The following LRRTM4 variants were observed in gnomAD, a reference collection of about 807,000 sequenced individuals.
LRRTM4 encodes leucine rich repeat transmembrane neuronal 4.
LRRTM4 carries 25 observed loss-of-function variants against 47.6 expected under a neutral mutation model. The ratio of observed to expected loss-of-function variants is 0.53; its 90% CI spans 0.38 to 0.73. The LOEUF is 0.73. LRRTM4 is among the 30% of genes least tolerant of loss of function. The pLI is 0.00. For synonymous variants in LRRTM4, 311 were observed against 269.5 expected (o/e 1.15, Z -1.51); for missense variants, 638 against 713.4 (o/e 0.89, Z 1.20).
intron 3 of LRRTM4, among the ~76,000 whole-genome samples, chr2:77,385,690 TTC>T (rs1026088396): frequency 2.6e-5 from 4 of 151,072 alleles, no homozygotes; most frequent in Admixed American, 1.3e-4. Flanking sequence ...TTGTTTTCTC[TTC>T]TTTTTCTAAA....
intron 3 of LRRTM4, among the ~76,000 whole-genome samples, chr2:76,885,592 A>T (rs899903743): frequency 6.6e-6 from 1 of 150,990 alleles, no homozygotes; most frequent in East Asian, 2.0e-4. Context: ...CCTCCTGAGT[A>T]GCTGGGACCG....
chr2:77,443,179 C>T lies in LRRTM4; in HGVS notation c.1551+75139G>A, dbSNP rs377003271. Among the ~76,000 whole-genome samples the T allele has an allele frequency of 5.5e-4, 83 of 152,148 alleles. 1 individual carries two copies. Among genetic ancestry groups the T allele is most frequent in the East Asian group, 4.1e-3 (21 of 5,172 alleles). ...TTGCAAATGTAGGTAGGAGCCATTC[C>T]AGCCGACGTTTGCAGCTGTGCTGTT... On this transcript the variant is annotated intron_variant, in intron 3 of 3. Coordinates refer to ENST00000409884, the MANE Select transcript of LRRTM4 (RefSeq NM_001134745.3).
At chr2:76,807,256 A>G (rs957910874) in intron 3 of LRRTM4, among the ~76,000 whole-genome samples, 3 of 151,656 alleles carry the variant, frequency 2.0e-5, no homozygotes, top group Admixed American at 1.3e-4. Flanking sequence ...AACTGCAAGG[A>G]CAAGTTAAGT....
chr2:77,245,301 C>T (rs11888579), intron 3 of LRRTM4, among the ~76,000 whole-genome samples: 7,632 of 151,936 alleles, frequency 0.05, 652 homozygotes, highest in African/African-American at 0.17. Context: ...AATCCTAGCA[C>T]TTTGGGAAGC....
chr2:77,123,213 C>CAGAGAGAGAGAGAGAGAGAGAGAGAG (rs56149151), intron 3 of LRRTM4, among the ~76,000 whole-genome samples: 40 of 142,966 alleles, frequency 2.8e-4, no homozygotes, highest in African/African-American at 1.0e-3. Context: ...TTCAGTCTCA[C>CAGAGAGAGAGAGAGAGAGAGAGAGAG]AGAGAGAGAG....
chr2:77,241,790 T>C (rs1042480322), intron 3 of LRRTM4, among the ~76,000 whole-genome samples: 4 of 152,154 alleles, frequency 2.6e-5, no homozygotes, highest in Non-Finnish European at 4.4e-5. Context: ...AAGACTTGTA[T>C]AGTTTTAGCA....
chr2:77,188,952 A>G (rs985007127), intron 3 of LRRTM4, among the ~76,000 whole-genome samples: 1 of 152,208 alleles, frequency 6.6e-6, no homozygotes, highest in African/African-American at 2.4e-5. Context: ...TCAGTCTTGC[A>G]TCCCATCTTG....
intron 3 of LRRTM4, among the ~76,000 whole-genome samples, chr2:77,386,111 TTA>T (rs1316988558): frequency 7.3e-5 from 11 of 150,892 alleles, no homozygotes; most frequent in Admixed American, 1.3e-4. Context: ...TTAAAAAATA[TTA>T]TATGTTATTA....
intron 3 of LRRTM4, among the ~76,000 whole-genome samples, chr2:77,376,189 C>G (rs981610593): frequency 2.6e-5 from 4 of 151,596 alleles, no homozygotes; most frequent in Non-Finnish European, 5.9e-5. Context: ...GAGAAATTTT[C>G]CATTTAACAG....
intron 3 of LRRTM4, among the ~76,000 whole-genome samples, chr2:77,511,769 T>A: frequency 1.3e-5 from 2 of 152,098 alleles, no homozygotes. Context: ...TTTATTAATA[T>A]GTATCAGCTT....
At chr2:76,868,785 T>G (rs2104041106) in intron 3 of LRRTM4, among the ~76,000 whole-genome samples, 1 of 152,272 alleles carries the variant, frequency 6.6e-6, no homozygotes, top group Admixed American at 6.5e-5. Context: ...TGAAAGAACA[T>G]GAAGTCGATC....
chr2:77,148,628 G>A (rs540641116), intron 3 of LRRTM4, among the ~76,000 whole-genome samples: 84 of 152,190 alleles, frequency 5.5e-4, no homozygotes, highest in African/African-American at 1.9e-3. Flanking sequence ...GAACAGGAGG[G>A]GAAGGTAAAT....
chr2:76,756,761 C>T (rs1391524651), intron 3 of LRRTM4, among the ~76,000 whole-genome samples: 2 of 151,836 alleles, frequency 1.3e-5, no homozygotes, highest in African/African-American at 4.8e-5. Context: ...TAAAGAGAAG[C>T]TATAATAGAG....
At chr2:77,522,027 T>C (rs1032400861) in intron 1 of LRRTM4, 82 bp downstream of exon 1, 1 of 704,078 alleles carries the variant, frequency 1.4e-6, no homozygotes, top group African/African-American at 1.8e-5. Flanking sequence ...ATTGGCAATC[T>C]GTGCAAAAGA....
At chr2:76,993,444 A>G (rs1333881077) in intron 3 of LRRTM4, among the ~76,000 whole-genome samples, 2 of 152,004 alleles carry the variant, frequency 1.3e-5, no homozygotes, top group Non-Finnish European at 2.9e-5. Flanking sequence ...AAAATTGGCA[A>G]TGAAAATGAA....
intron 3 of LRRTM4, among the ~76,000 whole-genome samples, chr2:76,912,424 G>A (rs1298461613): frequency 6.6e-6 from 1 of 152,154 alleles, no homozygotes; most frequent in African/African-American, 2.4e-5. Context: ...GTTAGAAATA[G>A]TGCTTGGATA....
At chr2:77,165,764 T>C (rs1672863063) in intron 3 of LRRTM4, among the ~76,000 whole-genome samples, 1 of 152,252 alleles carries the variant, frequency 6.6e-6, no homozygotes. Flanking sequence ...CAACAGCCCT[T>C]CGTGCTAAAA....
At chr2:77,154,626 C>T (rs78567415) in intron 3 of LRRTM4, among the ~76,000 whole-genome samples, 8,397 of 152,102 alleles carry the variant, frequency 0.055, 418 homozygotes, top group South Asian at 0.3. Context: ...TCAGAATTTA[C>T]GCTGAGATGA....
intron 3 of LRRTM4, among the ~76,000 whole-genome samples, chr2:77,169,805 T>C (rs1175395556): frequency 6.6e-6 from 1 of 152,182 alleles, no homozygotes; most frequent in Non-Finnish European, 1.5e-5. Context: ...TAATCTGTTA[T>C]AGTAACACAA....
Sources: allele counts gnomAD v4.1 joint callset (sites outside exome capture counted in the v4.1 genomes callset), GRCh38; gene constraint gnomAD v4.1.1; transcripts MANE v1.5; gene names NCBI Gene and HGNC (gene_info 2026-07-23, HGNC 2026-07-21).